Variants in NRG1 observed in about 807,000 individuals in gnomAD.
The protein encoded by NRG1 is neuregulin 1, also known as pro-neuregulin-1, membrane-bound isoform.
NRG1 carries 18 observed loss-of-function variants against 63.8 expected under a neutral mutation model. The observed-to-expected ratio is 0.28, with a 90% CI of 0.19 to 0.42. The LOEUF (loss-of-function observed/expected upper bound fraction) is 0.42. Among genes scored for constraint, NRG1 ranks in the 10% least tolerant of loss-of-function variants. The probability of loss-of-function intolerance (pLI) is 1.00; values close to 1 mark genes in which losing one functional copy is unlikely to be tolerated. For missense variants in NRG1, 762 were observed against 814.7 expected (o/e 0.94, Z 0.79); for synonymous variants, 302 against 301.3 (o/e 1.00, Z -0.02).
At chr8:32,753,658 T>A (rs1386650114) in intron 7 of NRG1, among the ~76,000 whole-genome samples, 2 of 152,162 alleles carry the variant, frequency 1.3e-5, no homozygotes, top group Admixed American at 6.5e-5. Flanking sequence ...ACCCATCACA[T>A]AGGATTTTCT....
At chr8:32,237,049 C>G (rs62497572) in intron 1 of NRG1, among the ~76,000 whole-genome samples, 2,777 of 152,282 alleles carry the variant, frequency 0.018, 43 homozygotes, top group African/African-American at 0.043. Flanking sequence ...ATCCTTTCAG[C>G]CTTCAGGGAT....
intron 1 of NRG1, among the ~76,000 whole-genome samples, chr8:32,580,853 C>T (rs1464147141): frequency 9.7e-6 from 1 of 102,598 alleles, no homozygotes; most frequent in African/African-American, 2.7e-5. Context: ...GACATAGTAC[C>T]CATTGAGCAG....
intron 1 of NRG1, among the ~76,000 whole-genome samples, chr8:31,920,712 A>G (rs1277988081): frequency 6.6e-6 from 1 of 152,174 alleles, no homozygotes; most frequent in Non-Finnish European, 1.5e-5. Context: ...CCCTTGCAAA[A>G]TAATGAACAT....
chr8:31,831,108 T>C (rs982839983), intron 1 of NRG1, among the ~76,000 whole-genome samples: 1 of 131,786 alleles, frequency 7.6e-6, no homozygotes, highest in Admixed American at 7.2e-5. Flanking sequence ...CTCTTTCTTC[T>C]TTTTTTTTTT....
chr8:32,756,156 AT>A (rs1564117405), intron 8 of NRG1, among the ~76,000 whole-genome samples: 1 of 151,998 alleles, frequency 6.6e-6, no homozygotes, highest in African/African-American at 2.4e-5. Context: ...GTGTTATCCT[AT>A]TTTTTTCTTG....
chr8:31,867,347 T>C (rs1025441852), intron 1 of NRG1, among the ~76,000 whole-genome samples: 4 of 152,186 alleles, frequency 2.6e-5, no homozygotes, highest in Non-Finnish European at 5.9e-5. Context: ...ATTAATTTGG[T>C]TTAAGGGTTT....
intron 1 of NRG1, among the ~76,000 whole-genome samples, chr8:31,671,331 CA>C (rs1348050623): frequency 6.6e-6 from 1 of 152,140 alleles, no homozygotes; most frequent in Non-Finnish European, 1.5e-5. Flanking sequence ...AATAGAAGAT[CA>C]AAACCTTTTT....
At chr8:32,483,842 C>T (rs1825593231) in intron 1 of NRG1, among the ~76,000 whole-genome samples, 1 of 152,150 alleles carries the variant, frequency 6.6e-6, no homozygotes, top group African/African-American at 2.4e-5. Flanking sequence ...CGGTGGCTCA[C>T]GCCTGTAATC....
chr8:32,112,737 T>C (rs1241369264), intron 1 of NRG1, among the ~76,000 whole-genome samples: 1 of 152,152 alleles, frequency 6.6e-6, no homozygotes, highest in Non-Finnish European at 1.5e-5. Flanking sequence ...AGTGCCTCCC[T>C]CTATAAACTG....
At chr8:32,042,260 C>G (rs1177169725) in intron 1 of NRG1, among the ~76,000 whole-genome samples, 2 of 151,896 alleles carry the variant, frequency 1.3e-5, no homozygotes. Context: ...GCTTGGCCAA[C>G]AGTGAGACCA....
intron 1 of NRG1, among the ~76,000 whole-genome samples, chr8:32,032,340 C>T (rs1392703670): frequency 2.0e-5 from 3 of 152,138 alleles, no homozygotes; most frequent in East Asian, 1.9e-4. Flanking sequence ...CTTAGCTCAC[C>T]GCAATCTCCA....
chr8:32,358,352 A>C (rs951544977), intron 1 of NRG1, among the ~76,000 whole-genome samples: 2 of 138,322 alleles, frequency 1.4e-5, no homozygotes, highest in African/African-American at 5.5e-5. Context: ...AGATCAACCG[A>C]TAGAATGCCA....
chr8:32,432,623 T>A (rs1332670446), intron 1 of NRG1, among the ~76,000 whole-genome samples: 4 of 152,096 alleles, frequency 2.6e-5, no homozygotes, highest in Non-Finnish European at 5.9e-5. Context: ...GATTCTTGTT[T>A]CTCAGGCTCC....
intron 1 of NRG1, among the ~76,000 whole-genome samples, chr8:32,104,941 G>A (rs1298569388): frequency 6.6e-6 from 1 of 151,688 alleles, no homozygotes; most frequent in African/African-American, 2.4e-5. Context: ...ACATGTAGAA[G>A]CAGTACACTC....
At chr8:31,729,187 A>T (rs1401133550) in intron 1 of NRG1, among the ~76,000 whole-genome samples, 1 of 152,204 alleles carries the variant, frequency 6.6e-6, no homozygotes, top group African/African-American at 2.4e-5. Flanking sequence ...ATAAGTAAAT[A>T]TTGGAATAGA....
intron 5 of NRG1, among the ~76,000 whole-genome samples, chr8:32,650,793 T>A (rs1854937244): frequency 6.6e-6 from 1 of 152,116 alleles, no homozygotes; most frequent in Non-Finnish European, 1.5e-5. Context: ...CTGTCATGGC[T>A]TATATTTGAA....
At chr8:31,911,705 A>T (rs971205741) in intron 1 of NRG1, among the ~76,000 whole-genome samples, 1 of 152,234 alleles carries the variant, frequency 6.6e-6, no homozygotes, top group South Asian at 2.1e-4. Context: ...ACAAACCTGC[A>T]CATGTACCTC....
At chr8:32,277,511 A>G (rs796520342) in intron 1 of NRG1, among the ~76,000 whole-genome samples, 1 of 152,172 alleles carries the variant, frequency 6.6e-6, no homozygotes, top group South Asian at 2.1e-4. Flanking sequence ...TTTTTACCTA[A>G]ACAATCATTA....
intron 1 of NRG1, among the ~76,000 whole-genome samples, chr8:31,658,178 C>T (rs62506875): frequency 0.21 from 32,664 of 151,946 alleles, 4,269 homozygotes; most frequent in East Asian, 0.6. Flanking sequence ...ATTGTCTGAG[C>T]GAGGAAACAG....
Sources: gnomAD v4.1 joint callset for allele counts (sites outside exome capture counted in the v4.1 genomes callset) on GRCh38, gnomAD v4.1.1 for gene constraint, MANE v1.5 for transcripts, NCBI Gene and HGNC (gene_info 2026-07-23, HGNC 2026-07-21) for gene names.